Variants in PAQR5 observed in about 807,000 individuals in gnomAD.
The protein encoded by PAQR5 is progestin and adipoQ receptor family member 5.
PAQR5 carries 20 observed loss-of-function variants against 34.5 expected under a neutral mutation model. The ratio of observed to expected loss-of-function variants is 0.58; its 90% confidence interval spans 0.41 to 0.84. The LOEUF (loss-of-function observed/expected upper bound fraction) is 0.84. Ranked by LOEUF, PAQR5 falls within the 40% of genes least tolerant of loss-of-function variation. The probability of loss-of-function intolerance (pLI) is 0.00; values close to 1 mark genes in which losing one functional copy is unlikely to be tolerated. For missense variants in PAQR5, 378 were observed against 412.7 expected (o/e 0.92, Z 0.73); for synonymous variants, 131 against 155.6 (o/e 0.84, Z 1.18).
chr15:69,346,015 T>C (rs1265331981), intron 2 of PAQR5, among the ~76,000 whole-genome samples: 1 of 152,208 alleles, frequency 6.6e-6, no homozygotes, highest in Non-Finnish European at 1.5e-5. Flanking sequence ...AGCTTTACAG[T>C]TATGTTTTGA....
At chr15:69,316,099 T>C (rs570885234) in intron 1 of PAQR5, among the ~76,000 whole-genome samples, 1 of 152,316 alleles carries the variant, frequency 6.6e-6, no homozygotes, top group South Asian at 2.1e-4. Flanking sequence ...TTTATTTTTT[T>C]GAAACAGAGT....
At chr15:69,345,968 T>C (rs2054758578) in intron 2 of PAQR5, among the ~76,000 whole-genome samples, 1 of 152,178 alleles carries the variant, frequency 6.6e-6, no homozygotes, top group Non-Finnish European at 1.5e-5. Context: ...AATGAAATCT[T>C]ATATGGAACA....
chr15:69,393,765 A>T (rs2140972327), intron 6 of PAQR5, among the ~76,000 whole-genome samples: 1 of 152,302 alleles, frequency 6.6e-6, no homozygotes, highest in Middle Eastern at 3.4e-3. Flanking sequence ...TTGAAATGGC[A>T]TTCGTTCCAT....
At chr15:69,388,981 A>G (rs1189873721) in intron 5 of PAQR5, among the ~76,000 whole-genome samples, 1 of 152,206 alleles carries the variant, frequency 6.6e-6, no homozygotes, top group African/African-American at 2.4e-5. Context: ...TCTTCCAAAT[A>G]AATGCTTCAG....
intron 1 of PAQR5, among the ~76,000 whole-genome samples, chr15:69,320,144 G>T (rs1321177689): frequency 6.6e-6 from 1 of 152,252 alleles, no homozygotes; most frequent in Non-Finnish European, 1.5e-5. Context: ...CCCTTTCCCA[G>T]CCTTGGGGGA....
intron 1 of PAQR5, among the ~76,000 whole-genome samples, chr15:69,310,602 T>A (rs2053808514): frequency 6.6e-6 from 1 of 152,244 alleles, no homozygotes; most frequent in Non-Finnish European, 1.5e-5. Flanking sequence ...GAACTTTTTC[T>A]TATTAGAGGA....
intron 2 of PAQR5, among the ~76,000 whole-genome samples, chr15:69,339,168 A>ACCCG (rs111647955): frequency 1.5e-5 from 2 of 134,068 alleles, no homozygotes; most frequent in African/African-American, 2.6e-5. Context: ...CCCACTGGCT[A>ACCCG]CACCCCCCAC....
intron 2 of PAQR5, among the ~76,000 whole-genome samples, chr15:69,349,788 C>CCCA (rs1041272603): frequency 6.6e-6 from 1 of 151,874 alleles, no homozygotes; most frequent in Admixed American, 6.6e-5. Context: ...ATTACAGGTG[C>CCCA]CCACCACCAC....
At chr15:69,321,370 A>G (rs1435846682) in intron 1 of PAQR5, among the ~76,000 whole-genome samples, 1 of 152,194 alleles carries the variant, frequency 6.6e-6, no homozygotes, top group Non-Finnish European at 1.5e-5. Flanking sequence ...TTTTTTATCT[A>G]TACTCTTACC....
At chr15:69,333,627 C>T (rs773379270) in intron 1 of PAQR5, among the ~76,000 whole-genome samples, 3 of 152,154 alleles carry the variant, frequency 2.0e-5, no homozygotes, top group South Asian at 2.1e-4. Context: ...AAGCATTGCA[C>T]GGTCTTCTCC....
intron 2 of PAQR5, among the ~76,000 whole-genome samples, chr15:69,340,569 A>T (rs1232754764): frequency 1.3e-5 from 2 of 152,180 alleles, no homozygotes; most frequent in Non-Finnish European, 2.9e-5. Flanking sequence ...GGCACGTGTC[A>T]TTCAGCTGAT....
At chr15:69,307,756 C>T (rs2053750445) in intron 1 of PAQR5, among the ~76,000 whole-genome samples, 1 of 151,788 alleles carries the variant, frequency 6.6e-6, no homozygotes, top group African/African-American at 2.4e-5. Flanking sequence ...AGGCTTCAGG[C>T]AAGAAGACCA....
chr15:69,403,620 C>T lies in PAQR5; in HGVS notation c.791C>T (p.Ala264Val). The stretch of plus-strand genomic sequence containing the variant: ...CTGTTTCACGTGTGTGTGATCCTGG[C>T]CACGCACATGCAGATGGAAGCCATA... Reference protein sequence around the residue: ...HQLFHVCVILATHMQMEAILL... With the variant: ...HQLFHVCVILVTHMQMEAILL... Residue 264 changes from alanine (A) to valine (V), a missense_variant, in exon 9 of 9, where the codon GCC becomes GTC. Coordinates refer to ENST00000395407, the MANE Select transcript of PAQR5 (RefSeq NM_017705.4). 1 of 1,613,998 alleles carries T rather than the reference C, an allele frequency of 6.2e-7. No homozygotes were observed. The highest frequency in any genetic ancestry group is 8.5e-7 in the Non-Finnish European group (1 of 1,179,918).
chr15:69,304,896 CTTGTT>C (rs2053680612), intron 1 of PAQR5, among the ~76,000 whole-genome samples: 1 of 152,230 alleles, frequency 6.6e-6, no homozygotes. Context: ...TAGCTTGCCA[CTTGTT>C]TTGGAGTTGA....
intron 1 of PAQR5, among the ~76,000 whole-genome samples, chr15:69,299,262 G>A (rs936232216): frequency 1.3e-5 from 2 of 152,188 alleles, no homozygotes; most frequent in Non-Finnish European, 2.9e-5. Context: ...ACCGCACGCG[G>A]GGCCGGTGTG....
At chr15:69,334,470 A>G (rs537913763) in intron 1 of PAQR5, among the ~76,000 whole-genome samples, 4 of 152,180 alleles carry the variant, frequency 2.6e-5, no homozygotes, top group Non-Finnish European at 5.9e-5. Flanking sequence ...AGAATTGTTC[A>G]ATTTCCCTAC....
rs1350152846 is a variant in PAQR5 at position 69,399,843 on chromosome 15, G to C, written c.610-131G>C. On this transcript the variant is annotated intron_variant, in intron 7 of 8. Transcript: ENST00000395407. ...GAGGAGGTGAGGGCCTTGGCCTCTG[G>C]AGTTTGTGTATGTGTGCTAACATGT... 3.4e-6 allele frequency: 3 copies of C among 874,598 alleles called. No individual in the cohort carries two copies. In the African/African-American group the frequency reaches 5.1e-5, roughly 15 times the overall value. 54.2% of individuals were successfully genotyped at this position (874,598 alleles called of 1,614,324 possible).
intron 1 of PAQR5, among the ~76,000 whole-genome samples, chr15:69,329,603 G>A (rs2140660147): frequency 6.7e-6 from 1 of 150,338 alleles, no homozygotes; most frequent in East Asian, 2.0e-4. Context: ...TTGTGCCTCA[G>A]TTTCCTGAGT....
At chr15:69,331,588 T>C (rs1283574475) in intron 1 of PAQR5, among the ~76,000 whole-genome samples, 1 of 152,040 alleles carries the variant, frequency 6.6e-6, no homozygotes, top group Non-Finnish European at 1.5e-5. Flanking sequence ...TGGTTACATT[T>C]GGTAAGCCCT....
Sources: gnomAD v4.1 joint callset for allele counts (sites outside exome capture counted in the v4.1 genomes callset) on GRCh38, gnomAD v4.1.1 for gene constraint, MANE v1.5 for transcripts, NCBI Gene and HGNC (gene_info 2026-07-23, HGNC 2026-07-21) for gene names.